Variants in SETD6 observed in about 807,000 individuals in gnomAD.
SETD6 encodes N-lysine methyltransferase SETD6.
In SETD6, 67 loss-of-function variants were observed where a neutral mutation model predicts 52.7. The observed-to-expected ratio is 1.27, with a 90% CI of 1.04 to 1.56. The LOEUF (loss-of-function observed/expected upper bound fraction) is 1.56. SETD6 is among the 40% of genes most tolerant of loss of function. SETD6 has a pLI of 0.00. For missense variants in SETD6, 712 were observed against 607.5 expected (o/e 1.17, Z -1.81); for synonymous variants, 307 against 250.2 (o/e 1.23, Z -2.14).
chr16:58,518,123 G>GCTAA lies in SETD6; in HGVS notation c.868_871dup (p.Trp291Ter), dbSNP rs765902802. 3.7e-6 allele frequency: 6 copies of GCTAA among 1,614,196 alleles called. No individual in the cohort carries two copies. In the East Asian group the frequency reaches 1.3e-4, roughly 36 times the overall value. On this transcript the variant is annotated frameshift_variant, in exon 6 of 8. Coordinates refer to ENST00000219315, the MANE Select transcript of SETD6 (RefSeq NM_001160305.4). LOFTEE classifies it high-confidence loss of function. ...GATTTTCAACACTTATGGGCAAATG[G>GCTAA]CTAACTGGCAACTGATTCATATGTA... is the stretch of plus-strand genomic sequence containing the variant.
Position 58,523,244 on chromosome 16 carries a change from C to CA in SETD6, c.*4222dup, listed in dbSNP as rs1218284204. 5.1e-5 allele frequency: 54 copies of CA among 1,066,414 alleles called. No homozygotes were observed. The highest frequency in any genetic ancestry group is 1.8e-4 in the East Asian group (7 of 38,724). The allele number at this position is 1,066,414 out of a possible 1,614,324, so 66.1% of individuals were successfully genotyped here. On this transcript the variant is annotated 3_prime_UTR_variant, in exon 8 of 8. Transcript: ENST00000219315. ...TGAGTGACAGAGCAACACTCCGTCT[C>CA]AAAAAAACAAAAAAAAAACCAACCA...
rs1354462864 is a variant in SETD6 at position 58,522,012 on chromosome 16, T to G, written c.*2983T>G. On this transcript the variant is annotated 3_prime_UTR_variant, in exon 8 of 8. Transcript: ENST00000219315. The stretch of plus-strand genomic sequence containing the variant: ...CTCTCAATAAAAAGGAAACAGAAAA[T>G]AAGAATTAAGTATTCTAACACTGCA... Among the ~76,000 whole-genome samples, 2 of 150,272 alleles carry G rather than the reference T, an allele frequency of 1.3e-5. No homozygotes were observed. The highest frequency in any genetic ancestry group is 2.0e-4 in the East Asian group (1 of 5,054).
rs199694259 is a variant in SETD6, at chr16:58,523,396, C to G, written c.*4367C>G. Reference sequence around the variant, plus strand: ...TTGTGATCTGTTCTTGGATGGCTTCCGTATTGGCCTCTGCAAAAAGGTACA... The same window carrying G: ...TTGTGATCTGTTCTTGGATGGCTTCGGTATTGGCCTCTGCAAAAAGGTACA... On this transcript the variant is annotated 3_prime_UTR_variant, in exon 8 of 8. Coordinates refer to ENST00000219315, the MANE Select transcript of SETD6 (RefSeq NM_001160305.4). The G allele has an allele frequency of 1.7e-5, 27 of 1,611,260 alleles. No homozygotes were observed. Among genetic ancestry groups the G allele is most frequent in the Middle Eastern group, 1.6e-4 (1 of 6,066 alleles).
Position 58,520,575 on chromosome 16 carries a change from G to A in SETD6, c.*1546G>A, listed in dbSNP as rs1249633428. On this transcript the variant is annotated 3_prime_UTR_variant, in exon 8 of 8. Coordinates refer to ENST00000219315, the MANE Select transcript of SETD6 (RefSeq NM_001160305.4). ...CTTTGGGACACCAGGAATGTCAGAA[G>A]ACATGGAGCTATGCCCTCAGACAAG... 1 of 201,550 alleles carries A rather than the reference G, an allele frequency of 5.0e-6. No individual in the cohort carries two copies. Among genetic ancestry groups the A allele is most frequent in the African/African-American group, 2.3e-5 (1 of 43,580 alleles). 12.5% of individuals were successfully genotyped at this position (201,550 alleles called of 1,614,324 possible).
intron 2 of SETD6, 42 bp downstream of exon 2, chr16:58,516,139 C>CGGGGA: frequency 1.2e-5 from 3 of 245,240 alleles, no homozygotes; most frequent in Non-Finnish European, 1.6e-5. Flanking sequence ...CGGGGCGGGG[C>CGGGGA]GGGGCGGGGC....
At position 58,522,651 on chromosome 16, in the gene SETD6, T is replaced by C. The variant is rs999026846; in HGVS notation, c.*3622T>C. Among the ~76,000 whole-genome samples, 2 of 152,184 alleles carry C rather than the reference T, an allele frequency of 1.3e-5. No individual in the cohort carries two copies. Among genetic ancestry groups the C allele is most frequent in the Non-Finnish European group, 2.9e-5 (2 of 68,042 alleles). ...AACTATTGTTAGGAAAATGCAAGTA[T>C]GATCCTGTTATTGCTACTGCTTTCA... On this transcript the variant is annotated 3_prime_UTR_variant, in exon 8 of 8. Transcript: ENST00000219315.
rs2039475698 is a variant in SETD6 at position 58,523,328 on chromosome 16, G to A, written c.*4299G>A. 1 of 1,534,970 alleles carries A rather than the reference G, an allele frequency of 6.5e-7. No individual in the cohort carries two copies. The highest frequency in any genetic ancestry group is 1.3e-5 in the South Asian group (1 of 78,794). ...AGGAAAAAAAAAAGATGAAAGGGAG[G>A]AGATCCTTTTGAAGCATTTAAAAAA... is the stretch of plus-strand genomic sequence containing the variant. On this transcript the variant is annotated 3_prime_UTR_variant, in exon 8 of 8. Transcript: ENST00000219315.
At chr16:58,515,615 T>A (rs1366524405) in intron 1 of SETD6, 51 bp downstream of exon 1, 1 of 1,474,432 alleles carries the variant, frequency 6.8e-7, no homozygotes, top group Non-Finnish European at 8.9e-7. Context: ...TCACCCCTTC[T>A]CCGTTCGCAG....
At chr16:58,517,775 C>G in intron 5 of SETD6, 1 of 475,346 alleles carries the variant, frequency 2.1e-6, no homozygotes, top group South Asian at 2.2e-5. Flanking sequence ...TGCGCCTGGC[C>G]GAAAATTTCG....
At position 58,515,962 on chromosome 16, in the gene SETD6, A is replaced by G. The variant is rs1479445771; in HGVS notation, c.199A>G (p.Ser67Gly). Reference protein sequence around the residue: ...LTSPPAQVAVSRQGTVAGYGM... With the variant: ...LTSPPAQVAVGRQGTVAGYGM... ...CAGCCCTCCTGCTCAGGTGGCGGTC[A>G]GCCGGCAGGGCACGGTGGCCGGCTA... Residue 67 changes from serine to glycine, a missense_variant, in exon 2 of 8, where the codon AGC becomes GGC. Physicochemically the swap from Ser to Gly is moderately conservative, Grantham distance 56. Transcript: ENST00000219315. 4 of 1,530,314 alleles carry G rather than the reference A, an allele frequency of 2.6e-6. No individual in the cohort carries two copies. The highest frequency in any genetic ancestry group is 2.6e-6 in the Non-Finnish European group (3 of 1,147,638). The allele number at this position is 1,530,314 out of a possible 1,614,324, so 94.8% of individuals were successfully genotyped here.
rs2039353902 is a variant in SETD6 at position 58,521,128 on chromosome 16, T to C, written c.*2099T>C. On this transcript the variant is annotated 3_prime_UTR_variant, in exon 8 of 8. Transcript: ENST00000219315. ...TCAGCTGACCCAACCTAGAGACAGATGGTTTTCAGTCTCCAGTCTCATTCC... is the reference window on the plus strand; with the variant it reads ...TCAGCTGACCCAACCTAGAGACAGACGGTTTTCAGTCTCCAGTCTCATTCC... 1.2e-6 allele frequency: 2 copies of C among 1,612,364 alleles called. No individual in the cohort carries two copies. Among genetic ancestry groups the C allele is most frequent in the African/African-American group, 2.7e-5 (2 of 74,852 alleles).
In SETD6 at chr16:58,515,888, A is replaced by G. The variant is rs186683751; in HGVS notation, c.125A>G (p.Glu42Gly). Residue 42 changes from glutamate (E) to glycine (G), a missense_variant, in exon 2 of 8, where the codon GAG becomes GGG. Physicochemically the swap from Glu to Gly is moderately conservative, Grantham distance 98. Transcript: ENST00000219315. ...CTGGAGCTGAGTCCCAAGGTGAGCGAGCGAGCCGGCGGGCGGAGGACCCGC... is the reference window on the plus strand; with the variant it reads ...CTGGAGCTGAGTCCCAAGGTGAGCGGGCGAGCCGGCGGGCGGAGGACCCGC... ...VGLELSPKVS[E>G]RAGGRRTRGG... 477 of 1,513,670 alleles carry G rather than the reference A, an allele frequency of 3.2e-4. 7 individuals are homozygous for G. In the Admixed American group the frequency reaches 8.2e-3, roughly 26 times the overall value. The allele number at this position is 1,513,670 out of a possible 1,614,324, so 93.8% of individuals were successfully genotyped here.
rs1399546191 is a variant in SETD6 at position 58,516,865 on chromosome 16, G to A, written c.729G>A (p.Met243Ile). The A allele has an allele frequency of 6.2e-7, 1 of 1,614,044 alleles. No individual in the cohort carries two copies. Among genetic ancestry groups the A allele is most frequent in the Non-Finnish European group, 8.5e-7 (1 of 1,180,036 alleles). Reference protein sequence around the residue: ...EDEKEPNSPVMVPAADILNHL... With the variant: ...EDEKEPNSPVIVPAADILNHL... ...AAAAGGAGCCCAACTCCCCCGTGAT[G>A]GTGCCTGCTGCAGACATACTAAACC... The change falls in exon 5 of 8, where the codon ATG (methionine) becomes ATA (isoleucine). Residue 243 changes from methionine (M) to isoleucine (I), a missense_variant. Physicochemically the swap from Met to Ile is conservative, Grantham distance 10. Coordinates refer to ENST00000219315, the MANE Select transcript of SETD6 (RefSeq NM_001160305.4).
In SETD6 at chr16:58,518,190, C is replaced by T; in HGVS notation, c.932C>T (p.Ala311Val). 6.2e-7 allele frequency: 1 copy of T among 1,614,216 alleles called. No individual in the cohort carries two copies. The highest frequency in any genetic ancestry group is 8.5e-7 in the Non-Finnish European group (1 of 1,180,032). The change falls in exon 6 of 8, where the codon GCT becomes GTT. Residue 311 changes from alanine (A) to valine (V), a missense_variant. Transcript: ENST00000219315. Reference sequence around the variant, plus strand: ...TATCCTGACAACACAGATGACACAGCTGACATTCAGATGGTGACAGTTCGT... The same window carrying T: ...TATCCTGACAACACAGATGACACAGTTGACATTCAGATGGTGACAGTTCGT... ...EPYPDNTDDT[A>V]DIQMVTVREA...
rs1484955249 is a variant in SETD6, at chr16:58,516,043, C to T, written c.280C>T (p.Arg94Trp). The T allele has an allele frequency of 1.3e-6, 2 of 1,514,240 alleles. No homozygotes were observed. The highest frequency in any genetic ancestry group is 4.2e-5 in the Admixed American group (2 of 47,726). 93.8% of individuals were successfully genotyped at this position (1,514,240 alleles called of 1,614,324 possible). A position where few individuals can be genotyped will look rare whatever the true frequency, so the allele number is the denominator to read the frequency against. Residue 94 changes from arginine to tryptophan, a missense_variant, in exon 2 of 8, where the codon CGG becomes TGG. By Grantham distance (101) the Arg-to-Trp change is moderately radical. Transcript: ENST00000219315. ...CGGAGAGCTGTTGTTCGTGGTGCCGCGGGCCGCGCTCCTGTCGCAGCACAC... is the reference window on the plus strand; with the variant it reads ...CGGAGAGCTGTTGTTCGTGGTGCCGTGGGCCGCGCTCCTGTCGCAGCACAC... ...QAGELLFVVP[R>W]AALLSQHTCS...
At position 58,518,859 on chromosome 16, in the gene SETD6, AAC is replaced by A; in HGVS notation, c.1254_1255del (p.Asn418LysfsTer16). 2 of 1,614,216 alleles carry A rather than the reference AAC, an allele frequency of 1.2e-6. No individual in the cohort carries two copies. The highest frequency in any genetic ancestry group is 1.7e-6 in the Non-Finnish European group (2 of 1,180,050). On this transcript the variant is annotated frameshift_variant, in exon 8 of 8. Transcript: ENST00000219315. LOFTEE classifies it high-confidence loss of function. ...LKASWRQLLQ[N>X]SVLLTLQTYA... ...AGCATCGTGGAGACAGCTGCTTCAAAACAGTGTTCTACTGACTTTGCAGACCT... is the reference window on the plus strand; with the variant it reads ...AGCATCGTGGAGACAGCTGCTTCAAAAGTGTTCTACTGACTTTGCAGACCT...
chr16:58,522,423 T>C lies in SETD6; in HGVS notation c.*3394T>C, dbSNP rs536256849. Among the ~76,000 whole-genome samples, 2 of 152,222 alleles carry C rather than the reference T, an allele frequency of 1.3e-5. No homozygotes were observed. Among genetic ancestry groups the C allele is most frequent in the East Asian group, 3.9e-4 (2 of 5,188 alleles). ...TTACTGCAGCTTTATATAAACAAAA[T>C]GGATCATCATCATCTAAGCATCCAA... On this transcript the variant is annotated 3_prime_UTR_variant, in exon 8 of 8. Transcript: ENST00000219315.
rs2039402426 is a variant in SETD6, at chr16:58,522,080, G to C, written c.*3051G>C. On this transcript the variant is annotated 3_prime_UTR_variant, in exon 8 of 8. Coordinates refer to ENST00000219315, the MANE Select transcript of SETD6 (RefSeq NM_001160305.4). Reference sequence around the variant, plus strand: ...CACGCCTGTAATCCCAGCACTCTGGGAGGCCAAGACGGGTGGATCACGAGG... The same window carrying C: ...CACGCCTGTAATCCCAGCACTCTGGCAGGCCAAGACGGGTGGATCACGAGG... Among the ~76,000 whole-genome samples, 1 of 151,984 alleles carries C rather than the reference G, an allele frequency of 6.6e-6. No homozygotes were observed. Among genetic ancestry groups the C allele is most frequent in the Non-Finnish European group, 1.5e-5 (1 of 68,002 alleles).
Position 58,522,406 on chromosome 16 carries a change from G to C in SETD6, c.*3377G>C, listed in dbSNP as rs1430599941. Among the ~76,000 whole-genome samples, 1 of 152,122 alleles carries C rather than the reference G, an allele frequency of 6.6e-6. No homozygotes were observed. The highest frequency in any genetic ancestry group is 1.5e-5 in the Non-Finnish European group (1 of 68,032). Reference sequence around the variant, plus strand: ...TACAAGTCCAAGGAGACTTACTGCAGCTTTATATAAACAAAATGGATCATC... The same window carrying C: ...TACAAGTCCAAGGAGACTTACTGCACCTTTATATAAACAAAATGGATCATC... On this transcript the variant is annotated 3_prime_UTR_variant, in exon 8 of 8. Transcript: ENST00000219315.
Sources: gnomAD v4.1 joint callset for allele counts (sites outside exome capture counted in the v4.1 genomes callset) on GRCh38, gnomAD v4.1.1 for gene constraint, MANE v1.5 for transcripts, NCBI Gene and HGNC (gene_info 2026-07-23, HGNC 2026-07-21) for gene names.